The following CADM2 variants were observed in gnomAD, a reference collection of about 807,000 sequenced individuals.
The protein encoded by CADM2 is immunoglobulin superfamily member 4D.
A neutral mutation model predicts 49.8 loss-of-function variants in CADM2; 12 were observed. The ratio of observed to expected loss-of-function variants is 0.24; its 90% confidence interval spans 0.15 to 0.39. The LOEUF (loss-of-function observed/expected upper bound fraction) is 0.39. CADM2 is among the 10% of genes least tolerant of loss of function. The pLI, the probability that CADM2 is intolerant of heterozygous loss-of-function variation, is 1.00. For missense variants in CADM2, 378 were observed against 492.3 expected (o/e 0.77, Z 2.20); for synonymous variants, 214 against 175.4 (o/e 1.22, Z -1.74).
chr3:85,900,663 C>A (rs2108448073), intron 5 of CADM2, among the ~76,000 whole-genome samples: 1 of 152,186 alleles, frequency 6.6e-6, no homozygotes, highest in South Asian at 2.1e-4. Context: ...CAAGTGCATA[C>A]CTTAATCTTC....
chr3:85,073,617 G>GGT (rs1486447386), intron 1 of CADM2, among the ~76,000 whole-genome samples: 19 of 152,200 alleles, frequency 1.2e-4, no homozygotes, highest in Admixed American at 4.6e-4. Flanking sequence ...AGACACCTGT[G>GGT]GTGGTATATT....
At chr3:86,057,961 T>C (rs796879772) in intron 8 of CADM2, among the ~76,000 whole-genome samples, 1 of 152,202 alleles carries the variant, frequency 6.6e-6, no homozygotes, top group Non-Finnish European at 1.5e-5. Flanking sequence ...ATTTTAAAGC[T>C]TTTCCAAGAT....
intron 1 of CADM2, among the ~76,000 whole-genome samples, chr3:85,640,382 T>TA (rs142420646): frequency 4.6e-5 from 7 of 152,228 alleles, no homozygotes; most frequent in African/African-American, 7.2e-5. Flanking sequence ...ACTCAAAATT[T>TA]AAAAAAATGT....
chr3:85,935,252 G>A (rs1239663937), intron 6 of CADM2, among the ~76,000 whole-genome samples: 1 of 152,064 alleles, frequency 6.6e-6, no homozygotes, highest in Non-Finnish European at 1.5e-5. Flanking sequence ...CAGAGCAAGC[G>A]GCATGTGCCC....
intron 1 of CADM2, among the ~76,000 whole-genome samples, chr3:84,970,639 A>G (rs1456588207): frequency 1.3e-5 from 2 of 152,056 alleles, no homozygotes; most frequent in Non-Finnish European, 2.9e-5. Context: ...AGAGAAATAT[A>G]TATTCTGTAA....
intron 1 of CADM2, among the ~76,000 whole-genome samples, chr3:85,140,273 T>A (rs1338925572): frequency 6.6e-6 from 1 of 152,208 alleles, no homozygotes; most frequent in African/African-American, 2.4e-5. Context: ...AGTAATTTAA[T>A]ACCAGTTTAC....
At chr3:85,117,990 G>T (rs2038706198) in intron 1 of CADM2, among the ~76,000 whole-genome samples, 1 of 152,080 alleles carries the variant, frequency 6.6e-6, no homozygotes, top group Non-Finnish European at 1.5e-5. Flanking sequence ...CTACATTGAA[G>T]TTTTTAAAAA....
chr3:85,124,316 T>C (rs550706872), intron 1 of CADM2, among the ~76,000 whole-genome samples: 122 of 152,328 alleles, frequency 8.0e-4, no homozygotes, highest in Non-Finnish European at 4.0e-4. Context: ...GAAAATATTC[T>C]AAGTGGATGA....
intron 3 of CADM2, among the ~76,000 whole-genome samples, chr3:85,852,145 G>A (rs974099174): frequency 6.6e-6 from 1 of 152,030 alleles, no homozygotes; most frequent in African/African-American, 2.4e-5. Flanking sequence ...TCTGTACAGA[G>A]AGTACTAAGT....
At chr3:85,958,083 C>T (rs1724281514) in intron 7 of CADM2, among the ~76,000 whole-genome samples, 1 of 151,930 alleles carries the variant, frequency 6.6e-6, no homozygotes, top group Non-Finnish European at 1.5e-5. Context: ...CTACAAGGAG[C>T]TTAAACCAAT....
chr3:85,345,307 C>A (rs1261285041), intron 1 of CADM2, among the ~76,000 whole-genome samples: 2 of 50,484 alleles, frequency 4.0e-5, no homozygotes, highest in African/African-American at 6.8e-5. Flanking sequence ...GAGTGAGTCT[C>A]CATCTCAAAA....
chr3:85,535,293 A>G (rs932252579), intron 1 of CADM2, among the ~76,000 whole-genome samples: 3 of 152,186 alleles, frequency 2.0e-5, no homozygotes, highest in Non-Finnish European at 4.4e-5. Flanking sequence ...CAGAAGGTGG[A>G]TATGACAGGA....
chr3:85,838,912 C>T (rs935000501), intron 3 of CADM2, among the ~76,000 whole-genome samples: 1 of 151,724 alleles, frequency 6.6e-6, no homozygotes. Context: ...TAATTGAAAG[C>T]CTCTTACTGC....
chr3:86,054,749 A>G (rs1051438349), intron 8 of CADM2, among the ~76,000 whole-genome samples: 2 of 152,176 alleles, frequency 1.3e-5, no homozygotes, highest in East Asian at 1.9e-4. Flanking sequence ...GTTTACAACT[A>G]TATTTTACTC....
chr3:85,517,573 A>T (rs1230338820), intron 1 of CADM2, among the ~76,000 whole-genome samples: 1 of 152,164 alleles, frequency 6.6e-6, no homozygotes, highest in Admixed American at 6.6e-5. Flanking sequence ...TTTTAACAAG[A>T]TGACAGCCAT....
intron 1 of CADM2, among the ~76,000 whole-genome samples, chr3:85,006,817 C>T (rs2033753643): frequency 6.6e-6 from 1 of 152,016 alleles, no homozygotes; most frequent in South Asian, 2.1e-4. Context: ...AAAAAAATCA[C>T]CCATGCCTCT....
intron 8 of CADM2, among the ~76,000 whole-genome samples, chr3:86,045,069 AG>A (rs1736482714): frequency 8.6e-6 from 1 of 116,788 alleles, no homozygotes; most frequent in African/African-American, 3.2e-5. Flanking sequence ...GGGTGGTGGG[AG>A]GGGGGAGGGA....
chr3:85,027,970 TTTC>T (rs1000155502), intron 1 of CADM2, among the ~76,000 whole-genome samples: 1 of 152,178 alleles, frequency 6.6e-6, no homozygotes, highest in Non-Finnish European at 1.5e-5. Context: ...CAGAATTTTT[TTTC>T]TTTTTTCCTT....
intron 1 of CADM2, among the ~76,000 whole-genome samples, chr3:85,714,765 C>A (rs1352316430): frequency 6.6e-6 from 1 of 152,050 alleles, no homozygotes; most frequent in African/African-American, 2.4e-5. Context: ...TATTCTGCTT[C>A]TTTTCCCACC....
Sources: allele counts gnomAD v4.1 joint callset (sites outside exome capture counted in the v4.1 genomes callset), GRCh38; gene constraint gnomAD v4.1.1; transcripts MANE v1.5; gene names NCBI Gene and HGNC (gene_info 2026-07-23, HGNC 2026-07-21).